ACTR3: variants seen among roughly 807,000 people sequenced by gnomAD.
ACTR3 encodes actin related protein 3.
Under a neutral mutation model 56.8 loss-of-function variants are expected in ACTR3, and 12 were observed. That is an observed-to-expected ratio of 0.21 (90% CI 0.14 to 0.34). The LOEUF is 0.34. Ranked by LOEUF, ACTR3 falls within the 10% of genes least tolerant of loss-of-function variation. ACTR3 has a pLI of 1.00. For synonymous variants in ACTR3, 162 were observed against 167.4 expected (o/e 0.97, Z 0.25); for missense variants, 282 against 512.5 (o/e 0.55, Z 4.34).
chr2:113,942,305 T>C lies in ACTR3; in HGVS notation c.804T>C (p.Ser268=), dbSNP rs759494336. The C allele has an allele frequency of 1.2e-6, 2 of 1,602,000 alleles. No individual in the cohort carries two copies. The highest frequency in any genetic ancestry group is 2.7e-5 in the African/African-American group (2 of 74,442). The change falls in exon 8 of 12, where the codon TCT becomes TCC. Residue 268 remains serine, a synonymous_variant. Coordinates refer to ENST00000263238, the MANE Select transcript of ACTR3 (RefSeq NM_005721.5). ...GINAISKKEF[S]IDVGYERFLG... is the part of the protein sequence containing the mutation. ...ATGCTATCTCAAAGAAAGAGTTTTC[T>C]ATCGATGTTGGTTATGAGAGATTTT...
At chr2:113,913,325 A>G (rs909434405) in intron 2 of ACTR3, 98 bp downstream of exon 2, 1 of 880,876 alleles carries the variant, frequency 1.1e-6, no homozygotes, top group Non-Finnish European at 1.7e-6. Flanking sequence ...ATCCTAAAAG[A>G]TTTAGTCCTT....
chr2:113,930,995 C>G (rs1378215495), intron 4 of ACTR3, among the ~76,000 whole-genome samples: 1 of 152,112 alleles, frequency 6.6e-6, no homozygotes, highest in Non-Finnish European at 1.5e-5. Flanking sequence ...ACCACCTTTT[C>G]CCTACCTCCA....
At chr2:113,932,077 G>A (rs1319978598) in intron 5 of ACTR3, among the ~76,000 whole-genome samples, 1 of 152,096 alleles carries the variant, frequency 6.6e-6, no homozygotes, top group Admixed American at 6.5e-5. Flanking sequence ...AGGCAGCTGA[G>A]GTCTGTCTGA....
intron 6 of ACTR3, among the ~76,000 whole-genome samples, chr2:113,937,071 A>G (rs891326188): frequency 1.3e-5 from 2 of 152,086 alleles, no homozygotes; most frequent in Non-Finnish European, 1.5e-5. Flanking sequence ...GGGGAGGAAA[A>G]ACACAATTTA....
At chr2:113,896,622 G>A (rs1448330810) in intron 1 of ACTR3, among the ~76,000 whole-genome samples, 2 of 152,248 alleles carry the variant, frequency 1.3e-5, no homozygotes, top group Non-Finnish European at 2.9e-5. Flanking sequence ...TGGGAATGAA[G>A]GTGGATATTT....
rs1000388625 is a variant in ACTR3, at chr2:113,960,645, A to C, written c.*3190A>C. The stretch of plus-strand genomic sequence containing the variant: ...CTCTTCATTCTGGGCTAATCTGTCA[A>C]TACTGAAGTCCAGTCTTTTCCCCCT... On this transcript the variant is annotated 3_prime_UTR_variant, in exon 12 of 12. Transcript: ENST00000263238. 1 of 152,000 alleles carries C rather than the reference A, an allele frequency of 6.6e-6. No homozygotes were observed. The highest frequency in any genetic ancestry group is 1.5e-5 in the Non-Finnish European group (1 of 67,920). 9.4% of individuals were successfully genotyped at this position (152,000 alleles called of 1,614,324 possible).
chr2:113,919,980 G>A lies in ACTR3; in HGVS notation c.225+2972G>A, dbSNP rs529210494. Among the ~76,000 whole-genome samples the A allele has an allele frequency of 2.0e-5, 3 of 152,274 alleles. No individual in the cohort carries two copies. The East Asian group carries it at 5.8e-4, about 29-fold the overall frequency. ...GCTCTGTCTCCCAGGCTGGAGTGCA[G>A]TGGCGTGATCTCACCTCACTGCATC... is the stretch of plus-strand genomic sequence containing the variant. On this transcript the variant is annotated intron_variant, in intron 3 of 11. Transcript: ENST00000263238.
intron 1 of ACTR3, among the ~76,000 whole-genome samples, chr2:113,908,801 G>T (rs1292484048): frequency 3.3e-5 from 5 of 152,064 alleles, no homozygotes; most frequent in Non-Finnish European, 7.4e-5. Flanking sequence ...GGGAGAAAAT[G>T]TGACTTTTTG....
At chr2:113,955,462 C>A (rs894129671) in intron 10 of ACTR3, 161 bp from the exon 11 acceptor site, 1 of 556,238 alleles carries the variant, frequency 1.8e-6, no homozygotes, top group Non-Finnish European at 3.2e-6. Context: ...GTTCCCAACC[C>A]CTTTCCTCTG....
At chr2:113,914,378 C>T (rs969322546) in intron 2 of ACTR3, among the ~76,000 whole-genome samples, 17 of 151,902 alleles carry the variant, frequency 1.1e-4, no homozygotes, top group Non-Finnish European at 1.8e-4. Flanking sequence ...TTTGGGAGGC[C>T]GAGGCGGGCA....
intron 1 of ACTR3, among the ~76,000 whole-genome samples, chr2:113,902,748 C>G (rs796547686): frequency 1.3e-5 from 2 of 151,980 alleles, no homozygotes; most frequent in African/African-American, 4.8e-5. Flanking sequence ...TACAGGTGCC[C>G]GTCACCACGC....
chr2:113,902,748 C>T lies in ACTR3; in HGVS notation c.45-10424C>T, dbSNP rs796547686. On this transcript the variant is annotated intron_variant, in intron 1 of 11. Coordinates refer to ENST00000263238, the MANE Select transcript of ACTR3 (RefSeq NM_005721.5). ...CTGAGTAGCTGAAATTACAGGTGCC[C>T]GTCACCACGCCTGGCTAGTTTTTGT... Among the ~76,000 whole-genome samples, 8 of 152,096 alleles carry T rather than the reference C, an allele frequency of 5.3e-5. 1 individual carries two copies. Among genetic ancestry groups the T allele is most frequent in the African/African-American group, 1.9e-4 (8 of 41,492 alleles).
intron 1 of ACTR3, among the ~76,000 whole-genome samples, chr2:113,909,290 A>G (rs994331634): frequency 1.7e-4 from 26 of 152,246 alleles, no homozygotes; most frequent in African/African-American, 5.8e-4. Flanking sequence ...TATTAGGTTC[A>G]TTTGATCCTT....
At chr2:113,932,155 T>G (rs1008117942) in intron 5 of ACTR3, among the ~76,000 whole-genome samples, 1 of 152,158 alleles carries the variant, frequency 6.6e-6, no homozygotes. Flanking sequence ...TAAGTGATAA[T>G]TATGGATGAA....
chr2:113,934,259 C>CTTTTTTTTTTT lies in ACTR3; in HGVS notation c.433-18_433-17insTTTTTTTTTTT. 2.1e-6 allele frequency: 2 copies of CTTTTTTTTTTT among 959,808 alleles called. No homozygotes were observed. Among genetic ancestry groups the CTTTTTTTTTTT allele is most frequent in the South Asian group, 2.3e-5 (1 of 43,252 alleles). The allele number at this position is 959,808 out of a possible 1,614,324, so 59.5% of individuals were successfully genotyped here. On this transcript the variant is annotated intron_variant, in intron 5 of 11. Coordinates refer to ENST00000263238, the MANE Select transcript of ACTR3 (RefSeq NM_005721.5). ...TTTTTTTTTTTGTTTTTTTGCCTTTCTTCTTTCTTTGTGCTCAAGGCTGTT... is the reference window on the plus strand; with the variant it reads ...TTTTTTTTTTTGTTTTTTTGCCTTTCTTTTTTTTTTTTTCTTTCTTTGTGCTCAAGGCTGTT...
chr2:113,896,962 G>A (rs945105000), intron 1 of ACTR3, among the ~76,000 whole-genome samples: 2 of 152,218 alleles, frequency 1.3e-5, no homozygotes, highest in African/African-American at 2.4e-5. Flanking sequence ...AGTTTGGAAT[G>A]GTTAAAATGT....
intron 1 of ACTR3, among the ~76,000 whole-genome samples, chr2:113,906,570 G>A (rs1679195124): frequency 6.6e-6 from 1 of 151,476 alleles, no homozygotes. Context: ...TTCACCTTAT[G>A]TTTTTTTTCT....
Position 113,957,646 on chromosome 2 carries a change from T to TTTTTAGATTTG in ACTR3, c.*195_*196insAGATTTGTTTT, listed in dbSNP as rs1198808411. On this transcript the variant is annotated 3_prime_UTR_variant, in exon 12 of 12. Transcript: ENST00000263238. Reference sequence around the variant, plus strand: ...GTAGAAGAGAGCGAAAGTGATTGTGTTTTTCTTTAGATTGAATATTTGAAT... The same window carrying TTTTTAGATTTG: ...GTAGAAGAGAGCGAAAGTGATTGTGTTTTTAGATTTGTTTTCTTTAGATTGAATATTTGAAT... 2.1e-6 allele frequency: 1 copy of TTTTTAGATTTG among 472,160 alleles called. No individual in the cohort carries two copies. The highest frequency in any genetic ancestry group is 3.0e-5 in the East Asian group (1 of 33,100). The allele number at this position is 472,160 out of a possible 1,614,324, so 29.2% of individuals were successfully genotyped here. A position where few individuals can be genotyped will look rare whatever the true frequency, so the allele number is the denominator to read the frequency against.
chr2:113,917,833 G>T (rs1679435676), intron 3 of ACTR3, among the ~76,000 whole-genome samples: 1 of 152,202 alleles, frequency 6.6e-6, no homozygotes, highest in Non-Finnish European at 1.5e-5. Flanking sequence ...TTACAAGTGT[G>T]TTGGGGGTTA....
Sources: allele counts gnomAD v4.1 joint callset (sites outside exome capture counted in the v4.1 genomes callset), GRCh38; gene constraint gnomAD v4.1.1; transcripts MANE v1.5; gene names NCBI Gene and HGNC (gene_info 2026-07-23, HGNC 2026-07-21).